Variants in USP25 observed in about 807,000 individuals in gnomAD.
USP25 encodes ubiquitin carboxyl-terminal hydrolase 25.
In USP25, 85 loss-of-function variants were observed where a neutral mutation model predicts 158.5. The observed-to-expected ratio is 0.54, with a 90% CI of 0.45 to 0.64. The LOEUF is 0.64. USP25 is among the 30% of genes least tolerant of loss of function. The pLI, the probability that USP25 is intolerant of heterozygous loss-of-function variation, is 0.00. For missense variants in USP25, 1,242 were observed against 1,327.3 expected, an observed-to-expected ratio of 0.94 and a Z score of 1.00; for synonymous variants, 464 against 460.4, an observed-to-expected ratio of 1.01 and a Z score of -0.10.
intron 1 of USP25, 35 bp downstream of exon 1, chr21:15,730,473 C>A: frequency 7.5e-7 from 1 of 1,327,978 alleles, no homozygotes; most frequent in Non-Finnish European, 9.7e-7. Flanking sequence ...GGCCCCACTT[C>A]TCCTTCCGAC....
At chr21:15,809,434 A>G (rs1470881555) in intron 8 of USP25, among the ~76,000 whole-genome samples, 2 of 151,990 alleles carry the variant, frequency 1.3e-5, no homozygotes, top group African/African-American at 2.4e-5. Flanking sequence ...TCTCACACTA[A>G]TTAGGATGGC....
rs549223509 is a variant in USP25 at position 15,840,628 on chromosome 21, A to C, written c.2195-1770A>C. Among the ~76,000 whole-genome samples the C allele has an allele frequency of 7.2e-5, 11 of 152,212 alleles. No individual in the cohort carries two copies. In the South Asian group the frequency reaches 2.1e-3, roughly 29 times the overall value. ...CATTTAGCCAGAAGCATTCAGTGTT[A>C]CTCATAACGTTTTTGTACTCAAACT... On this transcript the variant is annotated intron_variant, in intron 17 of 25. Transcript: ENST00000400183.
At chr21:15,754,048 T>A (rs1448973238) in intron 1 of USP25, among the ~76,000 whole-genome samples, 2 of 152,224 alleles carry the variant, frequency 1.3e-5, no homozygotes, top group Non-Finnish European at 2.9e-5. Flanking sequence ...ACAGATACTT[T>A]TTCTAATGTA....
At position 15,811,160 on chromosome 21, in the gene USP25, C is replaced by G; in HGVS notation, c.881C>G (p.Pro294Arg). 1 of 1,612,164 alleles carries G rather than the reference C, an allele frequency of 6.2e-7. No individual in the cohort carries two copies. The highest frequency in any genetic ancestry group is 8.5e-7 in the Non-Finnish European group (1 of 1,179,266). Reference protein sequence around the residue: ...EETDEEKPKNPMVELFYGRFL... With the variant: ...EETDEEKPKNRMVELFYGRFL... ...AGGGATGAAGAGAAGCCAAAGAACCCCATGGTAGAGTTGTTCTATGGCAGA... is the reference window on the plus strand; with the variant it reads ...AGGGATGAAGAGAAGCCAAAGAACCGCATGGTAGAGTTGTTCTATGGCAGA... Residue 294 changes from proline (P) to arginine (R), a missense_variant, in exon 9 of 26, where the codon CCC (proline) becomes CGC (arginine). Coordinates refer to ENST00000400183, the MANE Select transcript of USP25 (RefSeq NM_001283041.3).
chr21:15,808,669 G>A (rs1391549097), intron 7 of USP25, 140 bp from the exon 8 acceptor site: 6 of 543,362 alleles, frequency 1.1e-5, no homozygotes, highest in Non-Finnish European at 1.3e-5. Context: ...CTTGCATTTC[G>A]TGTGAAACAT....
In USP25 at chr21:15,879,096, T is replaced by C. The variant is rs1289384558; in HGVS notation, c.*621T>C. The C allele has an allele frequency of 6.6e-6, 1 of 152,584 alleles. No homozygotes were observed. Among genetic ancestry groups the C allele is most frequent in the Non-Finnish European group, 1.5e-5 (1 of 68,012 alleles). 9.5% of individuals were successfully genotyped at this position (152,584 alleles called of 1,614,324 possible). ...AATTTATCTATATTTTTAACAAAGTTCTTGAACTTAGTATGGCACCGGAAC... is the reference window on the plus strand; with the variant it reads ...AATTTATCTATATTTTTAACAAAGTCCTTGAACTTAGTATGGCACCGGAAC... On this transcript the variant is annotated 3_prime_UTR_variant, in exon 26 of 26. Coordinates refer to ENST00000400183, the MANE Select transcript of USP25 (RefSeq NM_001283041.3).
At chr21:15,844,003 T>C (rs527639926) in intron 18 of USP25, among the ~76,000 whole-genome samples, 16 of 152,290 alleles carry the variant, frequency 1.1e-4, no homozygotes, top group Non-Finnish European at 1.9e-4. Flanking sequence ...ATAATATGGA[T>C]ATCGTCTTAT....
chr21:15,840,946 A>G (rs1294218986), intron 17 of USP25, among the ~76,000 whole-genome samples: 1 of 152,208 alleles, frequency 6.6e-6, no homozygotes, highest in East Asian at 1.9e-4. Flanking sequence ...GCCACCTATC[A>G]TGAAGTCTTC....
At position 15,870,148 on chromosome 21, in the gene USP25, G is replaced by A; in HGVS notation, c.2885+1G>A. On this transcript the variant is annotated splice_donor_variant, in intron 23 of 25. Coordinates refer to ENST00000400183, the MANE Select transcript of USP25 (RefSeq NM_001283041.3). LOFTEE classifies it high-confidence loss of function. ...GGCTAGAAAATTTTCAAAGAGAAAGGTAAGGCAAAGTGGACAAATATGAAA... is the reference window on the plus strand; with the variant it reads ...GGCTAGAAAATTTTCAAAGAGAAAGATAAGGCAAAGTGGACAAATATGAAA... The A allele has an allele frequency of 6.2e-7, 1 of 1,601,284 alleles. No homozygotes were observed. The highest frequency in any genetic ancestry group is 8.5e-7 in the Non-Finnish European group (1 of 1,173,046).
intron 5 of USP25, among the ~76,000 whole-genome samples, chr21:15,794,237 CTTA>C (rs756581436): frequency 6.6e-6 from 1 of 151,378 alleles, no homozygotes; most frequent in Non-Finnish European, 1.5e-5. Context: ...GCTTTGCATA[CTTA>C]TTATTTTAGA....
chr21:15,803,344 A>G lies in USP25; in HGVS notation c.643-1777A>G, dbSNP rs904814820. Reference sequence around the variant, plus strand: ...AATATTTCTCATGAATTTGGAAGCAAAGAATTGTAGCAAATTTTTGAAAAA... The same window carrying G: ...AATATTTCTCATGAATTTGGAAGCAGAGAATTGTAGCAAATTTTTGAAAAA... On this transcript the variant is annotated intron_variant, in intron 6 of 25. Coordinates refer to ENST00000400183, the MANE Select transcript of USP25 (RefSeq NM_001283041.3). Among the ~76,000 whole-genome samples, 31 of 151,956 alleles carry G rather than the reference A, an allele frequency of 2.0e-4. 1 individual carries two copies. The highest frequency in any genetic ancestry group is 3.4e-3 in the Middle Eastern group (1 of 294).
intron 14 of USP25, among the ~76,000 whole-genome samples, chr21:15,828,472 A>G (rs1047953179): frequency 2.6e-5 from 4 of 152,220 alleles, no homozygotes; most frequent in African/African-American, 9.6e-5. Flanking sequence ...GATGTGGGTC[A>G]TTGGCTAGAG....
intron 3 of USP25, 143 bp from the exon 4 acceptor site, chr21:15,777,761 T>G (rs2034741320): frequency 1.5e-6 from 1 of 686,780 alleles, no homozygotes; most frequent in South Asian, 4.2e-5. Context: ...ATGTTTGCAT[T>G]TATTTTTAGA....
intron 4 of USP25, 42 bp from the exon 5 acceptor site, chr21:15,791,460 T>A: frequency 6.4e-7 from 1 of 1,551,476 alleles, no homozygotes; most frequent in Non-Finnish European, 8.7e-7. Context: ...CTGGGATATA[T>A]ACCATTATAT....
Position 15,842,445 on chromosome 21 carries a change from G to T in USP25, c.2242G>T (p.Asp748Tyr), listed in dbSNP as rs1052196375. 5 of 1,613,600 alleles carry T rather than the reference G, an allele frequency of 3.1e-6. No individual in the cohort carries two copies. Among genetic ancestry groups the T allele is most frequent in the Non-Finnish European group, 4.2e-6 (5 of 1,179,766 alleles). ...ATATCTAGAGCAGCCATCAAGAAGTGATTTCTCAAAGCACTTGAAAGAAGA... is the reference window on the plus strand; with the variant it reads ...ATATCTAGAGCAGCCATCAAGAAGTTATTTCTCAAAGCACTTGAAAGAAGA... Reference protein sequence around the residue: ...PEYLEQPSRSDFSKHLKEETI... With the variant: ...PEYLEQPSRSYFSKHLKEETI... The change falls in exon 18 of 26, where the codon GAT (aspartate) becomes TAT (tyrosine). Residue 748 changes from aspartate to tyrosine, a missense_variant. Physicochemically the swap from Asp to Tyr is radical, Grantham distance 160. Transcript: ENST00000400183.
At chr21:15,835,506 G>T (rs1417626610) in intron 17 of USP25, among the ~76,000 whole-genome samples, 1 of 152,016 alleles carries the variant, frequency 6.6e-6, no homozygotes, top group Non-Finnish European at 1.5e-5. Flanking sequence ...CAATACATCT[G>T]ACCATACACT....
chr21:15,836,546 A>C (rs2038074372), intron 17 of USP25, among the ~76,000 whole-genome samples: 1 of 136,006 alleles, frequency 7.4e-6, no homozygotes, highest in Non-Finnish European at 1.6e-5. Context: ...AACTTACCTG[A>C]ATACTGTTGT....
chr21:15,765,974 T>A, intron 2 of USP25, 23 bp from the exon 3 acceptor site: 1 of 1,590,514 alleles, frequency 6.3e-7, no homozygotes, highest in Non-Finnish European at 8.5e-7. Flanking sequence ...AAACACTTGA[T>A]ACTCCTTTCT....
At chr21:15,747,418 A>T (rs1478097385) in intron 1 of USP25, among the ~76,000 whole-genome samples, 1 of 151,546 alleles carries the variant, frequency 6.6e-6, no homozygotes, top group Non-Finnish European at 1.5e-5. Flanking sequence ...GTTTTTTCTT[A>T]TCTATATATA....
Sources: allele counts gnomAD v4.1 joint callset (sites outside exome capture counted in the v4.1 genomes callset), GRCh38; gene constraint gnomAD v4.1.1; transcripts MANE v1.5; gene names NCBI Gene and HGNC (gene_info 2026-07-23, HGNC 2026-07-21).